The following GAL variants were observed in gnomAD, a reference collection of about 807,000 sequenced individuals.
GAL encodes galanin peptides.
In GAL, 14 loss-of-function variants were observed where a neutral mutation model predicts 15.8. That is an observed-to-expected ratio of 0.89 (90% CI 0.59 to 1.39). The LOEUF is 1.39. Ranked by LOEUF, GAL falls within the 40% of genes most tolerant of loss-of-function variation. The pLI is 0.00. For missense variants in GAL, 176 were observed against 170.4 expected (o/e 1.03, Z -0.18); for synonymous variants, 79 against 73.8 (o/e 1.07, Z -0.36).
At chr11:68,685,911 A>G (rs1945848182) in intron 3 of GAL, among the ~76,000 whole-genome samples, 1 of 152,014 alleles carries the variant, frequency 6.6e-6, no homozygotes, top group African/African-American at 2.4e-5. Context: ...CCCGCCTTGC[A>G]GTCCTTACAG....
At chr11:68,688,204 C>A in intron 4 of GAL, 104 bp downstream of exon 4, 1 of 724,670 alleles carries the variant, frequency 1.4e-6, no homozygotes, top group East Asian at 2.5e-5. Context: ...CAGCTGCAGC[C>A]CAAGCCTGGC....
intron 1 of GAL, 80 bp downstream of exon 1, chr11:68,684,812 A>C: frequency 1.5e-6 from 1 of 648,050 alleles, no homozygotes; most frequent in Non-Finnish European, 2.7e-6. Flanking sequence ...CGGTTCTGCC[A>C]GGGCCCTGGC....
At chr11:68,688,190 TCCACAGCTGCAGCCC>T (rs1945872554) in intron 4 of GAL, 90 bp downstream of exon 4, 4 of 807,908 alleles carry the variant, frequency 5.0e-6, no homozygotes, top group Non-Finnish European at 6.5e-6. Flanking sequence ...GTCGGGGCTG[TCCACAGCTGCAGCCC>T]AAGCCTGGCC....
At chr11:68,685,095 C>G in intron 2 of GAL, 91 bp downstream of exon 2, 2 of 849,834 alleles carry the variant, frequency 2.4e-6, no homozygotes, top group Non-Finnish European at 3.8e-6. Flanking sequence ...CTCCGCCCTG[C>G]CCGCGGGGAT....
intron 3 of GAL, 140 bp downstream of exon 3, chr11:68,685,788 G>GCA (rs1355730034): frequency 1.4e-6 from 1 of 697,486 alleles, no homozygotes; most frequent in Non-Finnish European, 2.6e-6. Context: ...CCATTGCTCT[G>GCA]CACACTTGAT....
chr11:68,686,719 C>T (rs1005503295), intron 3 of GAL, among the ~76,000 whole-genome samples: 1 of 152,184 alleles, frequency 6.6e-6, no homozygotes, highest in African/African-American at 2.4e-5. Context: ...CATCCTCTCC[C>T]TGCCCATGGA....
chr11:68,685,109 G>C, intron 2 of GAL, 105 bp downstream of exon 2: 1 of 755,570 alleles, frequency 1.3e-6, no homozygotes. Flanking sequence ...CGGGGATGGG[G>C]GTGGAAAGTG....
chr11:68,687,624 G>A (rs1321923050), intron 3 of GAL, among the ~76,000 whole-genome samples: 1 of 152,168 alleles, frequency 6.6e-6, no homozygotes, highest in Non-Finnish European at 1.5e-5. Context: ...AGGGACATGA[G>A]GACCCAGCTC....
chr11:68,684,663 A>C lies in GAL; in HGVS notation c.-70A>C. The C allele has an allele frequency of 5.8e-6, 2 of 346,496 alleles. No individual in the cohort carries two copies. 21.5% of individuals were successfully genotyped at this position (346,496 alleles called of 1,614,324 possible). On this transcript the variant is annotated 5_prime_UTR_variant, in exon 1 of 6. Coordinates refer to ENST00000265643, the MANE Select transcript of GAL (RefSeq NM_015973.5). ...CCACCCGACCCGGCCCGACGCCCGG[A>C]CCTGCCGCCCAGACCCGCCACCGCA...
intron 3 of GAL, among the ~76,000 whole-genome samples, chr11:68,687,717 C>T (rs887685086): frequency 2.6e-5 from 4 of 152,174 alleles, no homozygotes; most frequent in Non-Finnish European, 5.9e-5. Context: ...CAGGCGCAAC[C>T]CCTGCAACAG....
intron 3 of GAL, among the ~76,000 whole-genome samples, chr11:68,686,566 C>T (rs370998165): frequency 3.3e-5 from 5 of 152,346 alleles, no homozygotes; most frequent in South Asian, 4.1e-4. Context: ...CTCCTGCAGA[C>T]GCTTGTTTAT....
At chr11:68,688,769 T>C in intron 4 of GAL, 80 bp from the exon 5 acceptor site, 1 of 754,118 alleles carries the variant, frequency 1.3e-6, no homozygotes. Flanking sequence ...AGCGCCCAGC[T>C]CCTCTGTAGG....
chr11:68,685,844 G>T (rs1594274052), intron 3 of GAL, among the ~76,000 whole-genome samples, 196 bp downstream of exon 3: 1 of 152,134 alleles, frequency 6.6e-6, no homozygotes, highest in Non-Finnish European at 1.5e-5. Context: ...CGGCTCTGCC[G>T]CCCTGTCCCG....
chr11:68,684,612 C>T lies in GAL; in HGVS notation c.-121C>T. 3.8e-6 allele frequency: 1 copy of T among 262,774 alleles called. No homozygotes were observed. Among genetic ancestry groups the T allele is most frequent in the African/African-American group, 2.2e-5 (1 of 44,684 alleles). 16.3% of individuals were successfully genotyped at this position (262,774 alleles called of 1,614,324 possible). A position where few individuals can be genotyped will look rare whatever the true frequency, so the allele number is the denominator to read the frequency against. On this transcript the variant is annotated 5_prime_UTR_variant, in exon 1 of 6. Transcript: ENST00000265643. Reference sequence around the variant, plus strand: ...TGCCCCTGCTGCCGGCCGCGCCATGCGGTGAGCGCCCCAGGCCGCCAGAGC... The same window carrying T: ...TGCCCCTGCTGCCGGCCGCGCCATGTGGTGAGCGCCCCAGGCCGCCAGAGC...
At chr11:68,690,773 G>A in intron 5 of GAL, 144 bp from the exon 6 acceptor site, 1 of 657,128 alleles carries the variant, frequency 1.5e-6, no homozygotes, top group South Asian at 1.7e-5. Context: ...AATACAGAGT[G>A]TTGTCCCTGA....
chr11:68,690,110 C>G, intron 5 of GAL, among the ~76,000 whole-genome samples: 1 of 151,502 alleles, frequency 6.6e-6, no homozygotes, highest in East Asian at 1.9e-4. Flanking sequence ...CTTTGCCTCT[C>G]CAGCAGAGAA....
At position 68,684,734 on chromosome 11, in the gene GAL, T is replaced by C; in HGVS notation, c.-1+2T>C. ...ACCCGGGCGCAGCCGCAGCTCAAGG[T>C]ACTACTGGCGCCGGGCCGACCCTGC... is the stretch of plus-strand genomic sequence containing the variant. On this transcript the variant is annotated splice_donor_variant, in intron 1 of 5. Coordinates refer to ENST00000265643, the MANE Select transcript of GAL (RefSeq NM_015973.5). LOFTEE classifies it low-confidence loss of function (5UTR_SPLICE). The C allele has an allele frequency of 2.0e-6, 1 of 495,462 alleles. No homozygotes were observed. Among genetic ancestry groups the C allele is most frequent in the South Asian group, 2.9e-5 (1 of 34,478 alleles). 30.7% of individuals were successfully genotyped at this position (495,462 alleles called of 1,614,324 possible).
intron 3 of GAL, among the ~76,000 whole-genome samples, chr11:68,686,906 A>G (rs979711258): frequency 2.7e-4 from 41 of 152,232 alleles, no homozygotes; most frequent in Admixed American, 2.6e-3. Flanking sequence ...TGTCAAGAAG[A>G]GTTTGACCCC....
Position 68,688,891 on chromosome 11 carries a change from C to T in GAL, c.266C>T (p.Thr89Ile). ...RSIPENNIMR[T>I]IIEFLSFLHL... ...ATACCTGAAAACAATATCATGCGCA[C>T]AATCATTGAGTTTCTGTCTTTCTTG... The change falls in exon 5 of 6, where the codon ACA becomes ATA. Residue 89 changes from threonine (T) to isoleucine (I), a missense_variant. By Grantham distance (89) the Thr-to-Ile change is moderately conservative. Transcript: ENST00000265643. 1 of 1,569,210 alleles carries T rather than the reference C, an allele frequency of 6.4e-7. No individual in the cohort carries two copies. Among genetic ancestry groups the T allele is most frequent in the Non-Finnish European group, 8.8e-7 (1 of 1,139,114 alleles).
Sources: allele counts gnomAD v4.1 joint callset (sites outside exome capture counted in the v4.1 genomes callset), GRCh38; gene constraint gnomAD v4.1.1; transcripts MANE v1.5; gene names NCBI Gene and HGNC (gene_info 2026-07-23, HGNC 2026-07-21).